Variants in FKBP5 observed in about 807,000 individuals in gnomAD.
FKBP5 encodes the protein peptidyl-prolyl cis-trans isomerase FKBP5.
Under a neutral mutation model 50.5 loss-of-function variants are expected in FKBP5, and 23 were observed. The observed-to-expected ratio is 0.46, with a 90% CI of 0.33 to 0.65. The LOEUF (loss-of-function observed/expected upper bound fraction) is 0.65, where lower values mean the gene tolerates loss of function less well. FKBP5 is among the 30% of genes least tolerant of loss of function. FKBP5 has a pLI of 0.02. For synonymous variants in FKBP5, 176 were observed against 190.6 expected (o/e 0.92, Z 0.63); for missense variants, 411 against 553.1 (o/e 0.74, Z 2.58).
intron 1 of FKBP5, among the ~76,000 whole-genome samples, chr6:35,652,117 T>TATCA (rs1186337561): frequency 6.6e-6 from 1 of 152,248 alleles, no homozygotes. Flanking sequence ...CATGGACACT[T>TATCA]ATCACTTCCC....
chr6:35,584,410 C>T (rs1034744503), intron 8 of FKBP5: 3 of 985,456 alleles, frequency 3.0e-6, no homozygotes, highest in Non-Finnish European at 3.6e-6. Flanking sequence ...ATGCAGATGG[C>T]ATGAAATACA....
intron 8 of FKBP5, chr6:35,586,525 G>A (rs1013662102): frequency 2.9e-4 from 286 of 984,206 alleles, no homozygotes; most frequent in Non-Finnish European, 3.4e-4. Flanking sequence ...TCAGCACTTT[G>A]GGAAGCTGAG....
At chr6:35,721,701 G>A (rs576526319) in intron 1 of FKBP5, among the ~76,000 whole-genome samples, 2 of 152,280 alleles carry the variant, frequency 1.3e-5, no homozygotes, top group South Asian at 2.1e-4. Context: ...TGATCTGCCC[G>A]CCTCGGCCTC....
At chr6:35,585,078 G>A (rs1056424712) in intron 8 of FKBP5, 1 of 985,180 alleles carries the variant, frequency 1.0e-6, no homozygotes, top group South Asian at 4.7e-5. Context: ...ACCGATTAGA[G>A]CCTCTGAATA....
At chr6:35,650,285 A>G (rs1433990405) in intron 1 of FKBP5, among the ~76,000 whole-genome samples, 3 of 140,968 alleles carry the variant, frequency 2.1e-5, no homozygotes, top group Non-Finnish European at 4.6e-5. Flanking sequence ...TGGGCAACAG[A>G]GCAAGATATT....
intron 5 of FKBP5, among the ~76,000 whole-genome samples, chr6:35,608,146 C>T (rs550662594): frequency 3.0e-4 from 45 of 152,196 alleles, no homozygotes; most frequent in African/African-American, 9.9e-4. Flanking sequence ...ACTGCGTGTT[C>T]TCACTTATAA....
Position 35,622,964 on chromosome 6 carries a change from C to T in FKBP5, c.251-2690G>A, listed in dbSNP as rs1047403021. Among the ~76,000 whole-genome samples the T allele has an allele frequency of 7.2e-5, 11 of 152,308 alleles. No individual in the cohort carries two copies. In the East Asian group the frequency reaches 1.7e-3, roughly 24 times the overall value. ...TGTTTTAAGAATTATTAGATAAGGC[C>T]GGGCGTGGTGGCTCACGCCTGTAAT... On this transcript the variant is annotated intron_variant, in intron 3 of 10. Coordinates refer to ENST00000357266, the MANE Select transcript of FKBP5 (RefSeq NM_004117.4).
rs1258131825 is a variant in FKBP5, at chr6:35,575,550, T to C, written c.*285A>G. On this transcript the variant is annotated 3_prime_UTR_variant, in exon 11 of 11. Transcript: ENST00000357266. ...GGACCCTGAATTGGATACTTGAAGG[T>C]TGATAGAAACTGAAATGAGCTGGAC... 8.4e-6 allele frequency: 3 copies of C among 358,702 alleles called. No individual in the cohort carries two copies. The highest frequency in any genetic ancestry group is 1.6e-5 in the Non-Finnish European group (3 of 192,244). 22.2% of individuals were successfully genotyped at this position (358,702 alleles called of 1,614,324 possible). A position where few individuals can be genotyped will look rare whatever the true frequency, so the allele number is the denominator to read the frequency against.
At chr6:35,696,312 G>T (rs953138654) in intron 2 of FKBP5, among the ~76,000 whole-genome samples, 8 of 151,552 alleles carry the variant, frequency 5.3e-5, no homozygotes, top group Non-Finnish European at 8.8e-5. Context: ...TTGAGTCCAG[G>T]AGTTCAAGAC....
At chr6:35,700,656 C>T (rs899749246) in intron 2 of FKBP5, among the ~76,000 whole-genome samples, 2 of 152,062 alleles carry the variant, frequency 1.3e-5, no homozygotes, top group African/African-American at 2.4e-5. Context: ...GTAGAGTTGC[C>T]ACATTTAATA....
chr6:35,630,170 AAGAGAGAGAGAG>A (rs112790704), intron 3 of FKBP5, among the ~76,000 whole-genome samples: 1 of 146,640 alleles, frequency 6.8e-6, no homozygotes, highest in Admixed American at 6.8e-5. Context: ...AGGAGGAAGA[AAGAGAGAGAGAG>A]AGAGAGAGAG....
At chr6:35,670,651 G>A (rs1280191643) in intron 1 of FKBP5, among the ~76,000 whole-genome samples, 2 of 151,510 alleles carry the variant, frequency 1.3e-5, no homozygotes, top group African/African-American at 4.9e-5. Flanking sequence ...AGAATCGCTT[G>A]AACCTGGGAG....
chr6:35,636,958 T>C lies in FKBP5; in HGVS notation c.250+56A>G, dbSNP rs1581839927. On this transcript the variant is annotated intron_variant, in intron 3 of 10. Transcript: ENST00000357266. ...AAGGATAGAATCCTCTGCTCCTATA[T>C]ATTACAAATAGTAATAAAGCTAAGT... 4.1e-6 allele frequency: 6 copies of C among 1,480,620 alleles called. No individual in the cohort carries two copies. The East Asian group carries it at 7.0e-5, about 17-fold the overall frequency. The allele number at this position is 1,480,620 out of a possible 1,614,324, so 91.7% of individuals were successfully genotyped here.
chr6:35,584,795 T>A lies in FKBP5; in HGVS notation c.840+2239A>T, dbSNP rs1762552588. Reference sequence around the variant, plus strand: ...GAAAAATTTTGCCTATCAAATTCCATGTTAAAAATAATTTTTTCCATGTGT... The same window carrying A: ...GAAAAATTTTGCCTATCAAATTCCAAGTTAAAAATAATTTTTTCCATGTGT... On this transcript the variant is annotated intron_variant, in intron 8 of 10. Coordinates refer to ENST00000357266, the MANE Select transcript of FKBP5 (RefSeq NM_004117.4). 10 of 985,278 alleles carry A rather than the reference T, an allele frequency of 1.0e-5. No homozygotes were observed. The South Asian group carries it at 1.4e-4, about 14-fold the overall frequency. 61.0% of individuals were successfully genotyped at this position (985,278 alleles called of 1,614,324 possible).
intron 4 of FKBP5, among the ~76,000 whole-genome samples, chr6:35,619,852 T>C (rs1179015109): frequency 6.6e-6 from 1 of 152,204 alleles, no homozygotes; most frequent in Non-Finnish European, 1.5e-5. Context: ...ATTTTGAGTA[T>C]GTCACACTCA....
At chr6:35,704,585 T>C (rs948494008) in intron 2 of FKBP5, among the ~76,000 whole-genome samples, 1 of 106,356 alleles carries the variant, frequency 9.4e-6, no homozygotes, top group Admixed American at 1.0e-4. Flanking sequence ...CGATAGCTTG[T>C]CAACATGTTT....
At chr6:35,698,823 G>A (rs559199913) in intron 2 of FKBP5, among the ~76,000 whole-genome samples, 1 of 152,200 alleles carries the variant, frequency 6.6e-6, no homozygotes, top group South Asian at 2.1e-4. Context: ...GGTGCAACAC[G>A]TTTTTAAACA....
intron 2 of FKBP5, among the ~76,000 whole-genome samples, chr6:35,702,808 G>C (rs1766214342): frequency 6.6e-6 from 1 of 151,922 alleles, no homozygotes; most frequent in Admixed American, 6.6e-5. Context: ...AATGGATCCT[G>C]ACCTACATGC....
chr6:35,671,900 A>G (rs1457865407), intron 1 of FKBP5, among the ~76,000 whole-genome samples: 9 of 151,084 alleles, frequency 6.0e-5, no homozygotes, highest in Non-Finnish European at 1.0e-4. Context: ...ACGGAGTCTC[A>G]CTCTGTCGTC....
Sources: gnomAD v4.1 joint callset for allele counts (sites outside exome capture counted in the v4.1 genomes callset) on GRCh38, gnomAD v4.1.1 for gene constraint, MANE v1.5 for transcripts, NCBI Gene and HGNC (gene_info 2026-07-23, HGNC 2026-07-21) for gene names.